The following MACROD2 variants were observed in gnomAD, a reference collection of about 807,000 sequenced individuals.
MACROD2 encodes the protein ADP-ribose glycohydrolase MACROD2.
Under a neutral mutation model 70.4 loss-of-function variants are expected in MACROD2, and 36 were observed. The ratio of observed to expected loss-of-function variants is 0.51; its 90% CI spans 0.39 to 0.68. MACROD2 has a LOEUF of 0.68. Ranked by LOEUF, MACROD2 falls within the 30% of genes least tolerant of loss-of-function variation. The pLI is 0.00. For synonymous variants in MACROD2, 172 were observed against 178.8 expected, an observed-to-expected ratio of 0.96 and a Z score of 0.30; for missense variants, 496 against 538.4, an observed-to-expected ratio of 0.92 and a Z score of 0.78.
At chr20:14,535,095 G>A (rs2085348222) in intron 4 of MACROD2, among the ~76,000 whole-genome samples, 1 of 152,204 alleles carries the variant, frequency 6.6e-6, no homozygotes, top group Non-Finnish European at 1.5e-5. Context: ...AAATATTTAT[G>A]CAGAAAATGA....
At chr20:15,269,309 C>T (rs1006225201) in intron 6 of MACROD2, among the ~76,000 whole-genome samples, 3 of 152,182 alleles carry the variant, frequency 2.0e-5, no homozygotes, top group Non-Finnish European at 2.9e-5. Flanking sequence ...TTTCTCTTCC[C>T]GAACTTGAGC....
chr20:15,833,267 A>G (rs985002229), intron 8 of MACROD2, among the ~76,000 whole-genome samples: 7 of 152,216 alleles, frequency 4.6e-5, no homozygotes, highest in Non-Finnish European at 8.8e-5. Flanking sequence ...ACACACGCAC[A>G]CTAATTGGGA....
At position 14,622,980 on chromosome 20, in the gene MACROD2, C is replaced by T. The variant is rs184588489; in HGVS notation, c.302-61863C>T. On this transcript the variant is annotated intron_variant, in intron 4 of 17. Transcript: ENST00000684519. ...CTCACGGCTAAGTCCCTCTACTGGA[C>T]TTGACTGCTGGTGCAGGAAGCTGCC... 4.0e-3 allele frequency: 612 copies of T among 152,378 alleles called. 1 individual carries two copies. Among genetic ancestry groups the T allele is most frequent in the Non-Finnish European group, 6.5e-3 (442 of 68,124 alleles). The allele number at this position is 152,378 out of a possible 1,614,324, so 9.4% of individuals were successfully genotyped here.
At chr20:15,954,928 T>G (rs73597728) in intron 12 of MACROD2, among the ~76,000 whole-genome samples, 5,740 of 152,252 alleles carry the variant, frequency 0.038, 281 homozygotes, top group African/African-American at 0.12. Context: ...AAAGTGAAGC[T>G]CACAGAGCAA....
chr20:15,512,451 T>C (rs2047512615), intron 8 of MACROD2, among the ~76,000 whole-genome samples: 1 of 152,128 alleles, frequency 6.6e-6, no homozygotes, highest in Non-Finnish European at 1.5e-5. Context: ...ATCATTAGCA[T>C]ACACAACTTA....
intron 4 of MACROD2, among the ~76,000 whole-genome samples, chr20:14,622,392 G>A (rs1418863872): frequency 6.6e-6 from 1 of 152,134 alleles, no homozygotes; most frequent in Non-Finnish European, 1.5e-5. Context: ...AGTCATATAT[G>A]TGTACAGCAT....
intron 6 of MACROD2, among the ~76,000 whole-genome samples, chr20:15,376,408 T>C (rs1425932068): frequency 6.6e-6 from 1 of 152,156 alleles, no homozygotes; most frequent in Admixed American, 6.5e-5. Flanking sequence ...TATCTCTGCA[T>C]TGACTAACTG....
intron 8 of MACROD2, among the ~76,000 whole-genome samples, chr20:15,703,759 T>C (rs1425794890): frequency 6.6e-6 from 1 of 152,186 alleles, no homozygotes; most frequent in Non-Finnish European, 1.5e-5. Context: ...TACAGGATCC[T>C]CATACAGTGA....
At chr20:15,668,978 A>G (rs1288657103) in intron 8 of MACROD2, among the ~76,000 whole-genome samples, 1 of 152,224 alleles carries the variant, frequency 6.6e-6, no homozygotes, top group Non-Finnish European at 1.5e-5. Context: ...AATAGCAAAT[A>G]TCTAGCTACA....
chr20:16,046,159 T>A (rs2067377957), intron 17 of MACROD2, among the ~76,000 whole-genome samples: 1 of 152,124 alleles, frequency 6.6e-6, no homozygotes, highest in South Asian at 2.1e-4. Flanking sequence ...ACTCTTGTGC[T>A]CCAGCATCAT....
chr20:14,786,196 G>C (rs1024612440), intron 5 of MACROD2, among the ~76,000 whole-genome samples: 3 of 131,598 alleles, frequency 2.3e-5, no homozygotes, highest in Non-Finnish European at 5.0e-5. Flanking sequence ...GGTTCACTCA[G>C]AGAAAGATAG....
At chr20:15,626,534 G>A (rs1036197340) in intron 8 of MACROD2, among the ~76,000 whole-genome samples, 1 of 152,274 alleles carries the variant, frequency 6.6e-6, no homozygotes, top group East Asian at 1.9e-4. Flanking sequence ...GAGCTAAAAG[G>A]TTTATATTAT....
rs192174312 is a variant in MACROD2 at position 14,262,003 on chromosome 20, A to G, written c.271+176275A>G. On this transcript the variant is annotated intron_variant, in intron 3 of 17. Transcript: ENST00000684519. ...CAAGATAAAAGAAAGCAAAGCTAAAAGCTGGAGAGGAGACAATATGTTTCT... is the reference window on the plus strand; with the variant it reads ...CAAGATAAAAGAAAGCAAAGCTAAAGGCTGGAGAGGAGACAATATGTTTCT... 3.5e-3 allele frequency among the ~76,000 whole-genome samples: 537 copies of G among 152,342 alleles called. 4 individuals carry two copies. Among genetic ancestry groups the G allele is most frequent in the African/African-American group, 0.012 (510 of 41,584 alleles).
At chr20:16,023,473 CAAAAAAAAA>C (rs60347463) in intron 15 of MACROD2, among the ~76,000 whole-genome samples, 1 of 71,462 alleles carries the variant, frequency 1.4e-5, no homozygotes, top group Non-Finnish European at 2.6e-5. Context: ...GACTCCATCT[CAAAAAAAAA>C]AAAAAAAAAA....
chr20:14,435,712 A>T (rs1568610640), intron 3 of MACROD2, among the ~76,000 whole-genome samples: 1 of 148,666 alleles, frequency 6.7e-6, no homozygotes, highest in African/African-American at 2.5e-5. Flanking sequence ...TATAGAAGTC[A>T]TTTTTTTTTT....
At chr20:14,664,277 C>A (rs1024597241) in intron 4 of MACROD2, among the ~76,000 whole-genome samples, 6 of 152,000 alleles carry the variant, frequency 3.9e-5, no homozygotes, top group African/African-American at 1.4e-4. Context: ...CTGTTACAGC[C>A]AAAATGCTGA....
intron 5 of MACROD2, among the ~76,000 whole-genome samples, chr20:14,896,149 G>T (rs766299707): frequency 6.6e-6 from 1 of 152,070 alleles, no homozygotes; most frequent in Non-Finnish European, 1.5e-5. Flanking sequence ...ACAAAAATTA[G>T]CTGGGCGTGG....
intron 5 of MACROD2, among the ~76,000 whole-genome samples, chr20:15,046,930 C>T (rs1439964347): frequency 2.0e-5 from 3 of 152,220 alleles, no homozygotes; most frequent in Non-Finnish European, 4.4e-5. Context: ...GTCAACTATA[C>T]TTCAATTACT....
chr20:14,384,110 T>A (rs2068571889), intron 3 of MACROD2, among the ~76,000 whole-genome samples: 1 of 152,110 alleles, frequency 6.6e-6, no homozygotes. Context: ...AATGCCAAAA[T>A]GCCCTGGTAA....
Sources: allele counts gnomAD v4.1 joint callset (sites outside exome capture counted in the v4.1 genomes callset), GRCh38; gene constraint gnomAD v4.1.1; transcripts MANE v1.5; gene names NCBI Gene and HGNC (gene_info 2026-07-23, HGNC 2026-07-21).